The following STIM1 variants were observed in gnomAD, a reference collection of about 807,000 sequenced individuals.
The protein encoded by STIM1 is stromal interaction molecule 1.
STIM1 carries 25 observed loss-of-function variants against 74.7 expected under a neutral mutation model. The ratio of observed to expected loss-of-function variants is 0.33; its 90% CI spans 0.24 to 0.47. The LOEUF is 0.47. STIM1 is among the 20% of genes least tolerant of loss of function. STIM1 has a pLI of 1.00. For missense variants in STIM1, 728 were observed against 920.8 expected, an observed-to-expected ratio of 0.79 and a Z score of 2.71; for synonymous variants, 328 against 348.8, an observed-to-expected ratio of 0.94 and a Z score of 0.66.
intron 1 of STIM1, among the ~76,000 whole-genome samples, chr11:3,908,736 T>C (rs181903469): frequency 1.6e-4 from 25 of 152,250 alleles, no homozygotes; most frequent in African/African-American, 4.8e-4. Context: ...GGCTTATAAA[T>C]ATTGTTGCTT....
Position 4,086,464 on chromosome 11 carries a change from A to C in STIM1, c.1568-13A>C, listed in dbSNP as rs1359491823. 2 of 1,613,156 alleles carry C rather than the reference A, an allele frequency of 1.2e-6. No homozygotes were observed. The highest frequency in any genetic ancestry group is 2.7e-5 in the African/African-American group (2 of 74,774). ...GCTGGCCCCTCCTGACACTTTCTTT[A>C]TTCTCCTTGCAGCCCCTAGCCTGCA... On this transcript the variant is annotated splice_polypyrimidine_tract_variant and intron_variant, in intron 11 of 12. Transcript: ENST00000526596.
At chr11:3,920,344 T>G (rs1025878119) in intron 1 of STIM1, among the ~76,000 whole-genome samples, 4 of 152,136 alleles carry the variant, frequency 2.6e-5, no homozygotes, top group African/African-American at 9.7e-5. Flanking sequence ...AAAGAAACAC[T>G]GCACCCATTA....
chr11:3,984,798 T>C (rs2093542286), intron 2 of STIM1, among the ~76,000 whole-genome samples: 1 of 152,194 alleles, frequency 6.6e-6, no homozygotes, highest in African/African-American at 2.4e-5. Flanking sequence ...AAAGTAATGA[T>C]GACAATAAGA....
chr11:3,947,150 G>A (rs117292268), intron 1 of STIM1, among the ~76,000 whole-genome samples: 1 of 135,480 alleles, frequency 7.4e-6, no homozygotes, highest in East Asian at 2.1e-4. Context: ...GAACATTTCT[G>A]TGACAGTTAA....
chr11:4,048,723 T>A (rs1156885667), intron 3 of STIM1, among the ~76,000 whole-genome samples: 1 of 151,750 alleles, frequency 6.6e-6, no homozygotes, highest in Non-Finnish European at 1.5e-5. Context: ...GATATAAAAA[T>A]TATTATTATT....
At chr11:4,002,697 C>T (rs1221947603) in intron 2 of STIM1, among the ~76,000 whole-genome samples, 1 of 150,160 alleles carries the variant, frequency 6.7e-6, no homozygotes, top group Non-Finnish European at 1.5e-5. Flanking sequence ...CAAGAGCAAA[C>T]ACATTCAAAA....
rs1285937028 is a variant in STIM1, at chr11:4,092,092, C to T, written c.*294C>T. ...GCTGTTCCCTCAGCTCCCAGCTCCA[C>T]CTCTGGGGTTCAGCTTCTGTCTCTG... On this transcript the variant is annotated 3_prime_UTR_variant, in exon 13 of 13. Coordinates refer to ENST00000526596, the MANE Select transcript of STIM1 (RefSeq NM_001382567.1). 2 of 477,888 alleles carry T rather than the reference C, an allele frequency of 4.2e-6. No homozygotes were observed. The highest frequency in any genetic ancestry group is 6.6e-5 in the Admixed American group (2 of 30,164). 29.6% of individuals were successfully genotyped at this position (477,888 alleles called of 1,614,324 possible). A position where few individuals can be genotyped will look rare whatever the true frequency, so the allele number is the denominator to read the frequency against.
intron 1 of STIM1, among the ~76,000 whole-genome samples, chr11:3,906,198 G>A (rs1196865147): frequency 6.6e-6 from 1 of 152,194 alleles, no homozygotes; most frequent in Non-Finnish European, 1.5e-5. Context: ...ACTCTCTTTG[G>A]CACAGTGGTA....
intron 3 of STIM1, among the ~76,000 whole-genome samples, chr11:4,045,570 C>T (rs1025185797): frequency 6.6e-6 from 1 of 151,880 alleles, no homozygotes; most frequent in African/African-American, 2.4e-5. Context: ...CCACCTCAGC[C>T]TCCTGAGTAG....
At chr11:3,868,565 T>G (rs970226883) in intron 1 of STIM1, among the ~76,000 whole-genome samples, 1 of 152,244 alleles carries the variant, frequency 6.6e-6, no homozygotes, top group Non-Finnish European at 1.5e-5. Context: ...GCATTTTGAT[T>G]AAAAATTATA....
At chr11:4,077,599 A>G (rs1251030268) in intron 7 of STIM1, among the ~76,000 whole-genome samples, 1 of 152,126 alleles carries the variant, frequency 6.6e-6, no homozygotes. Context: ...TAGCACTTAT[A>G]TATCTCTTAA....
chr11:3,905,006 G>A (rs1316115020), intron 1 of STIM1, among the ~76,000 whole-genome samples: 3 of 152,140 alleles, frequency 2.0e-5, no homozygotes, highest in Non-Finnish European at 2.9e-5. Flanking sequence ...AGAGCAGAGA[G>A]GAACTCTGAT....
rs773130037 is a variant in STIM1, at chr11:4,091,676, C to T, written c.2029C>T (p.His677Tyr). 2 of 1,614,242 alleles carry T rather than the reference C, an allele frequency of 1.2e-6. No homozygotes were observed. The highest frequency in any genetic ancestry group is 1.7e-6 in the Non-Finnish European group (2 of 1,180,046). ...LQASRNTRIP[H>Y]LAGKKAVAEE... is the part of the protein sequence containing the mutation. ...AGCCAGCCGAAACACACGCATTCCC[C>T]ACCTGGCTGGCAAGAAGGCTGTGGC... Residue 677 changes from histidine to tyrosine, a missense_variant, in exon 13 of 13, where the codon CAC becomes TAC. His to Tyr is a moderately conservative substitution (Grantham distance 83, BLOSUM62 2). Around this residue, in one of 5 missense-constraint regions of STIM1, gnomAD observed 352 missense variants for 370.1 expected, o/e 0.95. Coordinates refer to ENST00000526596, the MANE Select transcript of STIM1 (RefSeq NM_001382567.1).
intron 1 of STIM1, among the ~76,000 whole-genome samples, chr11:3,963,346 T>C (rs1382142574): frequency 6.6e-6 from 1 of 152,214 alleles, no homozygotes; most frequent in East Asian, 1.9e-4. Context: ...GTATTTGGTT[T>C]TCTGTTCCTG....
chr11:3,918,399 C>T (rs1480223587), intron 1 of STIM1, among the ~76,000 whole-genome samples: 1 of 151,538 alleles, frequency 6.6e-6, no homozygotes, highest in Non-Finnish European at 1.5e-5. Flanking sequence ...TACCTGTAGT[C>T]CTAGCTACTC....
intron 3 of STIM1, 137 bp from the exon 4 acceptor site, chr11:4,055,378 ACAGTGTATACT>A (rs1181841872): frequency 2.9e-6 from 2 of 682,868 alleles, no homozygotes; most frequent in African/African-American, 3.5e-5. Flanking sequence ...AAATAGACTC[ACAGTGTATACT>A]CCTTTCATAC....
At position 3,953,780 on chromosome 11, in the gene STIM1, C is replaced by CTTTTTTTTTTTTTTTTTTTTTTTTTT. The variant is rs201952182; in HGVS notation, c.140-13769_140-13768insTTTTTTTTTTTTTTTTTTTTTTTTTT. On this transcript the variant is annotated intron_variant, in intron 1 of 12. Coordinates refer to ENST00000526596, the MANE Select transcript of STIM1 (RefSeq NM_001382567.1). ...TCGGTATTGACTTCTTGATCTTCTT[C>CTTTTTTTTTTTTTTTTTTTTTTTTTT]TTTCTTTTTTTTTTTTTTTTGAGAC... Among the ~76,000 whole-genome samples the CTTTTTTTTTTTTTTTTTTTTTTTTTT allele has an allele frequency of 1.5e-5, 2 of 131,090 alleles. 1 individual carries two copies. The highest frequency in any genetic ancestry group is 3.2e-5 in the Non-Finnish European group (2 of 61,882). The allele number at this position is 131,090 out of a possible 152,430, so 86.0% of individuals were successfully genotyped here.
At chr11:3,900,310 T>C (rs1275873723) in intron 1 of STIM1, among the ~76,000 whole-genome samples, 1 of 151,956 alleles carries the variant, frequency 6.6e-6, no homozygotes, top group Non-Finnish European at 1.5e-5. Flanking sequence ...GGGGTGGGAG[T>C]GACCCGATTT....
intron 7 of STIM1, among the ~76,000 whole-genome samples, chr11:4,077,820 T>C (rs2094445569): frequency 6.6e-6 from 1 of 152,228 alleles, no homozygotes; most frequent in Non-Finnish European, 1.5e-5. Flanking sequence ...TCCAGTGGGT[T>C]CCTACTCTCA....
Sources: gnomAD v4.1 joint callset for allele counts (sites outside exome capture counted in the v4.1 genomes callset) on GRCh38, gnomAD v4.1.1 for gene constraint, gnomAD v4.1.1 regional missense constraint, MANE v1.5 for transcripts, NCBI Gene and HGNC (gene_info 2026-07-23, HGNC 2026-07-21) for gene names.